Variants in LRGUK observed in about 807,000 individuals in gnomAD.
The protein encoded by LRGUK is leucine-rich repeat and guanylate kinase domain-containing protein.
In LRGUK, 65 loss-of-function variants were observed where a neutral mutation model predicts 76.0. The ratio of observed to expected loss-of-function variants is 0.85; its 90% CI spans 0.70 to 1.05. LRGUK has a LOEUF of 1.05. LRGUK is among the 50% of genes least tolerant of loss of function. The probability of loss-of-function intolerance (pLI) is 0.00; values close to 1 mark genes in which losing one functional copy is unlikely to be tolerated. For missense variants in LRGUK, 758 were observed against 732.8 expected, an observed-to-expected ratio of 1.03 and a Z score of -0.40; for synonymous variants, 268 against 265.6, an observed-to-expected ratio of 1.01 and a Z score of -0.09.
intron 17 of LRGUK, among the ~76,000 whole-genome samples, chr7:134,248,372 C>T (rs1247161470): frequency 6.6e-6 from 1 of 152,178 alleles, no homozygotes. Flanking sequence ...ACTGGGCTGC[C>T]TTGCACATAG....
At chr7:134,235,943 C>G (rs1413487761) in intron 16 of LRGUK, among the ~76,000 whole-genome samples, 1 of 152,100 alleles carries the variant, frequency 6.6e-6, no homozygotes, top group Non-Finnish European at 1.5e-5. Context: ...TAAATCAAGA[C>G]AATGCTAGAA....
intron 7 of LRGUK, among the ~76,000 whole-genome samples, chr7:134,167,040 A>G (rs1385276652): frequency 6.6e-6 from 1 of 152,198 alleles, no homozygotes; most frequent in Non-Finnish European, 1.5e-5. Flanking sequence ...AGGGGCTGAC[A>G]ACATTGATGC....
intron 5 of LRGUK, among the ~76,000 whole-genome samples, chr7:134,152,454 TAAATC>T (rs1798261943): frequency 6.6e-6 from 1 of 151,862 alleles, no homozygotes; most frequent in South Asian, 2.1e-4. Context: ...TTATGGAAAA[TAAATC>T]AGAGAAGGCA....
chr7:134,162,832 A>G (rs1452966040), intron 6 of LRGUK, among the ~76,000 whole-genome samples: 1 of 148,574 alleles, frequency 6.7e-6, no homozygotes. Flanking sequence ...TTCTCAAAAA[A>G]AAAAAAAAAA....
At chr7:134,141,810 G>A (rs1335215719) in intron 3 of LRGUK, 3 of 152,166 alleles carry the variant, frequency 2.0e-5, no homozygotes, top group Non-Finnish European at 2.9e-5. Flanking sequence ...AGGTTTCCTC[G>A]AAGAGTTCTT....
downstream of LRGUK, among the ~76,000 whole-genome samples, chr7:134,211,889 CAGAG>C (rs1239211926): frequency 6.6e-6 from 1 of 152,210 alleles, no homozygotes; most frequent in Non-Finnish European, 1.5e-5. Context: ...CAGCAAGTCT[CAGAG>C]AGACTGGGGG....
intron 18 of LRGUK, among the ~76,000 whole-genome samples, chr7:134,252,123 G>A (rs1484098073): frequency 5.9e-5 from 9 of 151,848 alleles, no homozygotes; most frequent in African/African-American, 2.2e-4. Flanking sequence ...TGGATCATTT[G>A]AGCCCAGGAG....
chr7:134,226,871 GTACTTCTTTA>G (rs1365452165), intron 16 of LRGUK, among the ~76,000 whole-genome samples: 1 of 152,144 alleles, frequency 6.6e-6, no homozygotes, highest in Non-Finnish European at 1.5e-5. Context: ...GCCCTCAGCT[GTACTTCTTTA>G]TATTCAAGAA....
At chr7:134,235,462 AC>A (rs1801991428) in intron 16 of LRGUK, among the ~76,000 whole-genome samples, 1 of 151,726 alleles carries the variant, frequency 6.6e-6, no homozygotes, top group South Asian at 2.1e-4. Context: ...CTGCCCTGAA[AC>A]CCTAATTTAT....
At chr7:134,138,591 G>A (rs906631458) in intron 2 of LRGUK, among the ~76,000 whole-genome samples, 1 of 152,024 alleles carries the variant, frequency 6.6e-6, no homozygotes, top group East Asian at 1.9e-4. Context: ...TTCAGTAAGT[G>A]TTTATTTATT....
At chr7:134,248,370 G>T (rs1197671280) in intron 17 of LRGUK, among the ~76,000 whole-genome samples, 1 of 152,196 alleles carries the variant, frequency 6.6e-6, no homozygotes, top group Non-Finnish European at 1.5e-5. Context: ...CAACTGGGCT[G>T]CCTTGCACAT....
At chr7:134,221,433 G>C (rs978970439) in intron 15 of LRGUK, among the ~76,000 whole-genome samples, 1 of 151,776 alleles carries the variant, frequency 6.6e-6, no homozygotes, top group Admixed American at 6.6e-5. Context: ...TTAGCCTTTT[G>C]GACTTTCATC....
rs376580131 is a variant in LRGUK, at chr7:134,222,768, C to T, written c.1983+850C>T. ...GGATTACAGGCATGCGCCACCATGC[C>T]TAGCTAATTTTGTATTTTCAGTAGA... On this transcript the variant is annotated intron_variant, in intron 16 of 19. Coordinates refer to the LRGUK transcript ENST00000285928. Among the ~76,000 whole-genome samples, 8 of 152,234 alleles carry T rather than the reference C, an allele frequency of 5.3e-5. No individual in the cohort carries two copies. The East Asian group carries it at 1.5e-3, about 29-fold the overall frequency.
At chr7:134,199,494 A>G in intron 14 of LRGUK, 73 bp downstream of exon 14, 3 of 1,350,294 alleles carry the variant, frequency 2.2e-6, no homozygotes, top group Non-Finnish European at 3.1e-6. Flanking sequence ...TCATGGGGAT[A>G]AAATTCTTGG....
chr7:134,273,355 A>C, the LRGUK span, among the ~76,000 whole-genome samples: 3 of 152,312 alleles, frequency 2.0e-5, no homozygotes, highest in African/African-American at 7.2e-5. Context: ...TGAGATTTCT[A>C]TGGTAAACTG....
chr7:134,145,979 T>G (rs946646269), intron 4 of LRGUK, among the ~76,000 whole-genome samples: 1 of 152,144 alleles, frequency 6.6e-6, no homozygotes, highest in Non-Finnish European at 1.5e-5. Flanking sequence ...TTTAAGGTCT[T>G]TCAAGAAACC....
intron 8 of LRGUK, 128 bp downstream of exon 8, chr7:134,174,764 A>G (rs1156707128): frequency 3.0e-6 from 2 of 657,324 alleles, no homozygotes; most frequent in Non-Finnish European, 5.4e-6. Flanking sequence ...GAGTTTGTCT[A>G]TCTTCCTTCT....
downstream of LRGUK, among the ~76,000 whole-genome samples, chr7:134,212,832 C>G (rs1801324267): frequency 1.3e-5 from 2 of 152,156 alleles, no homozygotes; most frequent in African/African-American, 4.8e-5. Context: ...ATTAATAACA[C>G]CATGTGATTA....
At chr7:134,142,787 A>G (rs1343984871) in intron 3 of LRGUK, among the ~76,000 whole-genome samples, 2 of 152,226 alleles carry the variant, frequency 1.3e-5, no homozygotes, top group Non-Finnish European at 2.9e-5. Context: ...AAGAGGCCGC[A>G]GGGATTGGTT....
Sources: gnomAD v4.1 joint callset for allele counts (sites outside exome capture counted in the v4.1 genomes callset) on GRCh38, gnomAD v4.1.1 for gene constraint, MANE v1.5 for transcripts, NCBI Gene and HGNC (gene_info 2026-07-23, HGNC 2026-07-21) for gene names.